TYW1B: variants seen among roughly 807,000 people sequenced by gnomAD.
TYW1B encodes tRNA-yW synthesizing protein 1 homolog B, also known as S-adenosyl-L-methionine-dependent tRNA 4-demethylwyosine synthase TYW1B.
TYW1B carries 73 observed loss-of-function variants against 86.9 expected under a neutral mutation model. The observed-to-expected ratio is 0.84, with a 90% CI of 0.70 to 1.02. The LOEUF (loss-of-function observed/expected upper bound fraction) is 1.02, where lower values mean the gene tolerates loss of function less well. Among genes scored for constraint, TYW1B ranks in the 50% least tolerant of loss-of-function variants. The pLI is 0.00. For missense variants in TYW1B, 637 were observed against 827.4 expected (o/e 0.77, Z 2.82); for synonymous variants, 248 against 292.8 (o/e 0.85, Z 1.56).
chr7:72,607,725 C>T (rs1811838179), intron 13 of TYW1B, among the ~76,000 whole-genome samples: 1 of 151,774 alleles, frequency 6.6e-6, no homozygotes, highest in Non-Finnish European at 1.5e-5. Flanking sequence ...AAAAAAAAAT[C>T]TAACATTTGT....
intron 6 of TYW1B, among the ~76,000 whole-genome samples, chr7:72,780,586 C>T (rs1788034276): frequency 6.6e-6 from 1 of 152,164 alleles, no homozygotes; most frequent in African/African-American, 2.4e-5. Flanking sequence ...CTGGCCCCTA[C>T]AAAATGAACA....
intron 6 of TYW1B, among the ~76,000 whole-genome samples, chr7:72,781,082 A>T (rs1409010437): frequency 2.0e-5 from 3 of 152,040 alleles, no homozygotes; most frequent in Admixed American, 6.6e-5. Flanking sequence ...TAACCACATA[A>T]CTAGCCCAAT....
rs557428629 is a variant in TYW1B, at chr7:72,803,321, G to A, written c.724-799C>T. On this transcript the variant is annotated intron_variant, in intron 5 of 13. Coordinates refer to ENST00000620995, the MANE Select transcript of TYW1B (RefSeq NM_001145440.3). ...ACTAACACTTCACCTGCCCTCTCAC[G>A]TCACAGTGACATGAGCTGGGCTCAG... Among the ~76,000 whole-genome samples, 10 of 152,206 alleles carry A rather than the reference G, an allele frequency of 6.6e-5. No individual in the cohort carries two copies. The South Asian group carries it at 8.3e-4, about 13-fold the overall frequency.
At chr7:72,614,982 G>A (rs1812034933) in intron 13 of TYW1B, among the ~76,000 whole-genome samples, 1 of 152,148 alleles carries the variant, frequency 6.6e-6, no homozygotes, top group African/African-American at 2.4e-5. Context: ...TTACACTACA[G>A]AAAGATGAAA....
At chr7:72,708,014 T>TTCACAAGGTCAGGAGATCGAGACCA (rs1814653207) in intron 10 of TYW1B, among the ~76,000 whole-genome samples, 1 of 152,176 alleles carries the variant, frequency 6.6e-6, no homozygotes, top group Non-Finnish European at 1.5e-5. Context: ...GATTGTAAGT[T>TTCACAAGGTCAGGAGATCGAGACCA]TCCTGAGGCC....
intron 6 of TYW1B, among the ~76,000 whole-genome samples, chr7:72,799,813 C>A (rs1393097990): frequency 6.6e-6 from 1 of 152,132 alleles, no homozygotes; most frequent in Admixed American, 6.6e-5. Flanking sequence ...AAGATTAACA[C>A]CTTGTCTGAG....
At chr7:72,667,884 G>C (rs750718480) in intron 11 of TYW1B, among the ~76,000 whole-genome samples, 6 of 152,182 alleles carry the variant, frequency 3.9e-5, no homozygotes, top group Non-Finnish European at 7.3e-5. Context: ...TTCCCTTGTG[G>C]CTAGCCAGAT....
intron 11 of TYW1B, among the ~76,000 whole-genome samples, chr7:72,669,992 G>A (rs1376814705): frequency 6.6e-6 from 1 of 151,788 alleles, no homozygotes; most frequent in Non-Finnish European, 1.5e-5. Context: ...TTAGCTGGCT[G>A]TGGTGGCACA....
chr7:72,710,954 G>A (rs544957809), intron 10 of TYW1B, among the ~76,000 whole-genome samples: 13 of 152,132 alleles, frequency 8.5e-5, no homozygotes, highest in African/African-American at 2.7e-4. Context: ...CCGTCACCTC[G>A]GACAAACCCC....
chr7:72,771,426 C>T (rs1420938203), intron 7 of TYW1B, among the ~76,000 whole-genome samples: 1 of 152,142 alleles, frequency 6.6e-6, no homozygotes, highest in Admixed American at 6.5e-5. Context: ...ATAGGTTCTA[C>T]ATCTATCAAA....
At chr7:72,642,253 G>A (rs1351004123) in intron 11 of TYW1B, among the ~76,000 whole-genome samples, 3 of 152,164 alleles carry the variant, frequency 2.0e-5, no homozygotes, top group Non-Finnish European at 4.4e-5. Context: ...ACTCTTGGAT[G>A]AAAACATAAG....
chr7:72,765,557 C>A (rs1351791306), intron 7 of TYW1B, among the ~76,000 whole-genome samples: 1 of 152,070 alleles, frequency 6.6e-6, no homozygotes, highest in Non-Finnish European at 1.5e-5. Flanking sequence ...CCTCTACCTC[C>A]TAGGTTCAAA....
intron 13 of TYW1B, among the ~76,000 whole-genome samples, chr7:72,589,271 G>C (rs1397671380): frequency 2.0e-5 from 3 of 152,196 alleles, no homozygotes; most frequent in African/African-American, 7.2e-5. Flanking sequence ...GAATTTATCA[G>C]CAGACTCCAA....
chr7:72,654,812 C>G (rs1813159480), intron 11 of TYW1B, among the ~76,000 whole-genome samples: 1 of 152,124 alleles, frequency 6.6e-6, no homozygotes, highest in Non-Finnish European at 1.5e-5. Context: ...ACCCAGGAGG[C>G]AGAGGTTGCA....
intron 8 of TYW1B, among the ~76,000 whole-genome samples, chr7:72,732,772 T>C (rs1286150105): frequency 6.7e-6 from 1 of 149,692 alleles, no homozygotes; most frequent in Non-Finnish European, 1.5e-5. Flanking sequence ...AGAGCAAAAA[T>C]AAATGAAGTT....
At chr7:72,737,645 TATG>T (rs782761320) in intron 8 of TYW1B, among the ~76,000 whole-genome samples, 44 of 152,324 alleles carry the variant, frequency 2.9e-4, no homozygotes, top group Non-Finnish European at 4.4e-4. Flanking sequence ...ACAACCTCAG[TATG>T]ATGTGATCCC....
intron 13 of TYW1B, among the ~76,000 whole-genome samples, chr7:72,608,813 G>C (rs754122565): frequency 2.0e-5 from 3 of 152,158 alleles, no homozygotes; most frequent in Non-Finnish European, 4.4e-5. Flanking sequence ...GGAGATTAGC[G>C]GTTGCCAGAG....
chr7:72,626,194 G>C (rs1554438783), intron 12 of TYW1B, among the ~76,000 whole-genome samples: 1 of 151,056 alleles, frequency 6.6e-6, no homozygotes, highest in Non-Finnish European at 1.5e-5. Flanking sequence ...TACGTACTCA[G>C]ACAGCAGTAT....
chr7:72,666,198 G>A (rs1813457245), intron 11 of TYW1B, among the ~76,000 whole-genome samples: 3 of 152,002 alleles, frequency 2.0e-5, no homozygotes, highest in African/African-American at 7.2e-5. Context: ...CAGATTGCTT[G>A]AGCCCAGGAG....
Sources: gnomAD v4.1 joint callset for allele counts (sites outside exome capture counted in the v4.1 genomes callset) on GRCh38, gnomAD v4.1.1 for gene constraint, MANE v1.5 for transcripts, NCBI Gene and HGNC (gene_info 2026-07-23, HGNC 2026-07-21) for gene names.